TAOK1: variants seen among roughly 807,000 people sequenced by gnomAD.
The protein encoded by TAOK1 is serine/threonine-protein kinase TAO1.
A neutral mutation model predicts 138.3 loss-of-function variants in TAOK1; 21 were observed. The ratio of observed to expected loss-of-function variants is 0.15; its 90% CI spans 0.11 to 0.22. The LOEUF is 0.22. Among genes scored for constraint, TAOK1 ranks in the 10% least tolerant of loss-of-function variants. The pLI, the probability that TAOK1 is intolerant of heterozygous loss-of-function variation, is 1.00. For missense variants in TAOK1, 651 were observed against 1,227.7 expected (o/e 0.53, Z 7.02); for synonymous variants, 361 against 398.4 (o/e 0.91, Z 1.12).
chr17:29,508,220 T>C (rs2031660865), intron 14 of TAOK1, 88 bp downstream of exon 14: 2 of 1,180,590 alleles, frequency 1.7e-6, no homozygotes, highest in South Asian at 2.6e-5. Flanking sequence ...TTAGCGTATC[T>C]GTTCCCGTGA....
intron 1 of TAOK1, among the ~76,000 whole-genome samples, chr17:29,417,052 C>T (rs904844502): frequency 1.3e-5 from 2 of 152,014 alleles, no homozygotes; most frequent in Non-Finnish European, 2.9e-5. Flanking sequence ...CTCACTCTGT[C>T]GTCCAGGCGG....
intron 1 of TAOK1, among the ~76,000 whole-genome samples, chr17:29,431,803 A>ATTT (rs71360705): frequency 1.9e-4 from 21 of 113,004 alleles, no homozygotes; most frequent in South Asian, 3.1e-4. Flanking sequence ...TGCCTGGCTA[A>ATTT]TTTTTTTTTT....
At chr17:29,410,444 G>A (rs1432066590) in intron 1 of TAOK1, among the ~76,000 whole-genome samples, 1 of 151,384 alleles carries the variant, frequency 6.6e-6, no homozygotes, top group Non-Finnish European at 1.5e-5. Flanking sequence ...GCAGAAACGG[G>A]GTTTCACTAT....
chr17:29,414,528 G>A (rs1312284657), intron 1 of TAOK1, among the ~76,000 whole-genome samples: 1 of 151,790 alleles, frequency 6.6e-6, no homozygotes, highest in Non-Finnish European at 1.5e-5. Flanking sequence ...GGGATTACAG[G>A]CGTGAACCAC....
intron 6 of TAOK1, among the ~76,000 whole-genome samples, chr17:29,479,652 T>C (rs183521510): frequency 6.6e-6 from 1 of 152,192 alleles, no homozygotes; most frequent in African/African-American, 2.4e-5. Flanking sequence ...TAAAATATTA[T>C]AGTGAGAATT....
intron 18 of TAOK1, among the ~76,000 whole-genome samples, chr17:29,533,146 TC>T (rs2032157476): frequency 7.0e-6 from 1 of 142,758 alleles, no homozygotes; most frequent in East Asian, 2.1e-4. Flanking sequence ...GCAGAGACGC[TC>T]CTCACCTCCC....
At chr17:29,422,517 C>T (rs996822214) in intron 1 of TAOK1, among the ~76,000 whole-genome samples, 1 of 152,142 alleles carries the variant, frequency 6.6e-6, no homozygotes, top group Admixed American at 6.5e-5. Context: ...TGCTCCCGGC[C>T]CCTCTATTTT....
Position 29,482,293 on chromosome 17 carries a change from G to A in TAOK1, c.655+5G>A. 6.3e-7 allele frequency: 1 copy of A among 1,599,232 alleles called. No individual in the cohort carries two copies. On this transcript the variant is annotated splice_donor_5th_base_variant and intron_variant, in intron 8 of 19. Coordinates refer to ENST00000261716, the MANE Select transcript of TAOK1 (RefSeq NM_020791.4). The stretch of plus-strand genomic sequence containing the variant: ...GAATAACATGTATTGAACTAGGTAA[G>A]CATTGTTCTTCATTACTATGGATTA...
At chr17:29,479,633 G>A (rs577409891) in intron 6 of TAOK1, among the ~76,000 whole-genome samples, 2 of 152,224 alleles carry the variant, frequency 1.3e-5, no homozygotes, top group East Asian at 1.9e-4. Flanking sequence ...TTCACTTCGT[G>A]TTATGCTCTA....
chr17:29,480,333 AAAGTT>A (rs2031034687), intron 6 of TAOK1, 30 bp from the exon 7 acceptor site: 2 of 1,474,858 alleles, frequency 1.4e-6, no homozygotes, highest in East Asian at 4.6e-5. Context: ...CTATTGAGGG[AAAGTT>A]AAGTAATTTT....
chr17:29,424,436 C>CAAAAAAAAA (rs781589064), intron 1 of TAOK1, among the ~76,000 whole-genome samples: 12 of 71,972 alleles, frequency 1.7e-4, no homozygotes, highest in South Asian at 5.3e-4. Flanking sequence ...GACTCCCTCT[C>CAAAAAAAAA]AAAAAAAAAA....
intron 1 of TAOK1, among the ~76,000 whole-genome samples, chr17:29,397,527 C>T (rs1904649433): frequency 6.7e-6 from 1 of 149,640 alleles, no homozygotes; most frequent in African/African-American, 2.5e-5. Flanking sequence ...TGCTTGAACT[C>T]AGCAGGCGGA....
intron 1 of TAOK1, among the ~76,000 whole-genome samples, chr17:29,402,049 C>T (rs1280623500): frequency 6.6e-6 from 1 of 152,142 alleles, no homozygotes; most frequent in African/African-American, 2.4e-5. Flanking sequence ...CAACAACTCT[C>T]CTTCAATCTC....
intron 11 of TAOK1, among the ~76,000 whole-genome samples, chr17:29,496,369 C>T (rs552487195): frequency 2.6e-5 from 4 of 152,184 alleles, no homozygotes; most frequent in East Asian, 1.9e-4. Context: ...CCACCTGCCT[C>T]GGCCTCCCAA....
At chr17:29,435,499 A>G (rs1002393465) in intron 1 of TAOK1, among the ~76,000 whole-genome samples, 3 of 152,144 alleles carry the variant, frequency 2.0e-5, no homozygotes, top group East Asian at 3.9e-4. Context: ...AAGGAATCTC[A>G]GATAAGACCT....
At chr17:29,503,099 A>G (rs1261136743) in intron 13 of TAOK1, among the ~76,000 whole-genome samples, 2 of 152,156 alleles carry the variant, frequency 1.3e-5, no homozygotes, top group Non-Finnish European at 2.9e-5. Context: ...TGGTATTTCC[A>G]TATAAGAAGA....
intron 1 of TAOK1, among the ~76,000 whole-genome samples, chr17:29,428,223 C>T (rs1905708393): frequency 6.6e-6 from 1 of 152,180 alleles, no homozygotes; most frequent in African/African-American, 2.4e-5. Flanking sequence ...ATTACTAAAA[C>T]ATCCTCATAG....
At chr17:29,433,515 T>C (rs111452938) in intron 1 of TAOK1, among the ~76,000 whole-genome samples, 73 of 151,952 alleles carry the variant, frequency 4.8e-4, no homozygotes, top group African/African-American at 1.6e-3. Context: ...TTAGTTCAGC[T>C]AAAGAACTTG....
chr17:29,422,821 C>T (rs1263421835), intron 1 of TAOK1, among the ~76,000 whole-genome samples: 2 of 152,118 alleles, frequency 1.3e-5, no homozygotes, highest in Non-Finnish European at 2.9e-5. Flanking sequence ...GTCAGGAGTT[C>T]GAGACCAGCT....
Sources: allele counts gnomAD v4.1 joint callset (sites outside exome capture counted in the v4.1 genomes callset), GRCh38; gene constraint gnomAD v4.1.1; transcripts MANE v1.5; gene names NCBI Gene and HGNC (gene_info 2026-07-23, HGNC 2026-07-21).